The following CREB5 variants were observed in gnomAD, a reference collection of about 807,000 sequenced individuals.
CREB5 encodes cAMP responsive element binding protein 5, also known as cyclic AMP-responsive element-binding protein 5.
In CREB5, 19 loss-of-function variants were observed where a neutral mutation model predicts 57.1. The ratio of observed to expected loss-of-function variants is 0.33; its 90% CI spans 0.23 to 0.49. The LOEUF (loss-of-function observed/expected upper bound fraction) is 0.49, where lower values mean the gene tolerates loss of function less well. Among genes scored for constraint, CREB5 ranks in the 20% least tolerant of loss-of-function variants. CREB5 has a pLI of 0.99. For missense variants in CREB5, 579 were observed against 671.6 expected, an observed-to-expected ratio of 0.86 and a Z score of 1.52; for synonymous variants, 238 against 238.3, an observed-to-expected ratio of 1.00 and a Z score of 0.01.
intron 5 of CREB5, among the ~76,000 whole-genome samples, chr7:28,617,910 G>T (rs1241901185): frequency 6.6e-6 from 1 of 152,176 alleles, no homozygotes; most frequent in Non-Finnish European, 1.5e-5. Flanking sequence ...TGTCATATTG[G>T]CACAGAGATG....
chr7:28,489,296 C>CTTTTTT lies in CREB5; in HGVS notation c.75+1066_75+1071dup, dbSNP rs70977046. 9.5e-3 allele frequency among the ~76,000 whole-genome samples: 912 copies of CTTTTTT among 96,470 alleles called. 25 individuals carry two copies. The highest frequency in any genetic ancestry group is 0.015 in the African/African-American group (353 of 22,864). The allele number at this position is 96,470 out of a possible 152,430, so 63.3% of individuals were successfully genotyped here. A position where few individuals can be genotyped will look rare whatever the true frequency, so the allele number is the denominator to read the frequency against. On this transcript the variant is annotated intron_variant, in intron 2 of 10. Coordinates refer to ENST00000357727, the MANE Select transcript of CREB5 (RefSeq NM_182898.4). The stretch of plus-strand genomic sequence containing the variant: ...TAAGAAGGATTCATTGAGGACCCTT[C>CTTTTTT]TTTTTTTTTTTTTTTTTTTTTGAGA...
At chr7:28,478,402 G>GA (rs1200077169) in intron 1 of CREB5, among the ~76,000 whole-genome samples, 1 of 151,280 alleles carries the variant, frequency 6.6e-6, no homozygotes, top group Non-Finnish European at 1.5e-5. Context: ...CAGGCCAAAA[G>GA]AAAAAAATAT....
intron 5 of CREB5, among the ~76,000 whole-genome samples, chr7:28,692,294 T>C (rs1005265159): frequency 1.3e-5 from 2 of 152,012 alleles, no homozygotes; most frequent in African/African-American, 4.8e-5. Flanking sequence ...TCCTTTTACA[T>C]TGGATTGCAG....
chr7:28,589,639 T>C (rs1796426393), intron 5 of CREB5, among the ~76,000 whole-genome samples: 1 of 152,224 alleles, frequency 6.6e-6, no homozygotes, highest in Admixed American at 6.5e-5. Context: ...GCGAAATGCA[T>C]AAATCTTGAG....
intron 1 of CREB5, among the ~76,000 whole-genome samples, chr7:28,404,205 ATCTT>A (rs1440334713): frequency 6.6e-6 from 1 of 152,184 alleles, no homozygotes; most frequent in Non-Finnish European, 1.5e-5. Context: ...GGGCCGCCCT[ATCTT>A]TCTCTTGCCT....
intron 4 of CREB5, among the ~76,000 whole-genome samples, chr7:28,560,859 C>CACGT (rs1795110468): frequency 3.1e-5 from 1 of 32,676 alleles, no homozygotes. Context: ...TGTGTGTGTG[C>CACGT]GTGTGCCTGC....
Position 28,747,734 on chromosome 7 carries a change from G to A in CREB5, c.702+23402G>A, listed in dbSNP as rs148676499. Among the ~76,000 whole-genome samples, 330 of 152,298 alleles carry A rather than the reference G, an allele frequency of 2.2e-3. 1 individual carries two copies. Among genetic ancestry groups the A allele is most frequent in the Non-Finnish European group, 3.4e-3 (233 of 68,030 alleles). ...GCCAGCCTGACACAGTGCCTGTCCT[G>A]TAAGTGATGGCAAAGCGTATCCTGA... is the stretch of plus-strand genomic sequence containing the variant. On this transcript the variant is annotated intron_variant, in intron 7 of 10. Coordinates refer to ENST00000357727, the MANE Select transcript of CREB5 (RefSeq NM_182898.4).
chr7:28,776,912 G>A (rs1432789312), intron 7 of CREB5, among the ~76,000 whole-genome samples: 1 of 152,172 alleles, frequency 6.6e-6, no homozygotes, highest in African/African-American at 2.4e-5. Flanking sequence ...ATTCCATTGT[G>A]TGGCTATACC....
intron 4 of CREB5, among the ~76,000 whole-genome samples, chr7:28,514,024 A>G (rs940858273): frequency 6.6e-6 from 1 of 152,218 alleles, no homozygotes; most frequent in East Asian, 1.9e-4. Flanking sequence ...GTAGATGATG[A>G]GAGCAGCTCA....
intron 5 of CREB5, among the ~76,000 whole-genome samples, chr7:28,626,150 T>C (rs160343): frequency 0.23 from 35,000 of 152,152 alleles, 4,218 homozygotes; most frequent in Admixed American, 0.26. Context: ...TTGTTTTCTG[T>C]ATCAAGTAGA....
At chr7:28,418,716 C>G (rs1441181712) in intron 1 of CREB5, among the ~76,000 whole-genome samples, 1 of 152,222 alleles carries the variant, frequency 6.6e-6, no homozygotes, top group Non-Finnish European at 1.5e-5. Flanking sequence ...ACACATATCT[C>G]TAATCCCCAT....
chr7:28,718,671 G>A, intron 5 of CREB5, 82 bp from the exon 6 acceptor site: 1 of 1,564,134 alleles, frequency 6.4e-7, no homozygotes, highest in Admixed American at 1.8e-5. Context: ...ATGTGACATT[G>A]TTGTCCCTGC....
chr7:28,794,101 A>G (rs1305224272), intron 7 of CREB5, among the ~76,000 whole-genome samples: 4 of 152,170 alleles, frequency 2.6e-5, no homozygotes, highest in East Asian at 1.9e-4. Flanking sequence ...GCAAAGTTCT[A>G]TGTTTCATAT....
In CREB5 at chr7:28,555,109, T is replaced by TTGTGTGTG. The variant is rs58647223; in HGVS notation, c.292-15246_292-15239dup. 7.0e-3 allele frequency among the ~76,000 whole-genome samples: 1,038 copies of TTGTGTGTG among 148,908 alleles called. 20 individuals are homozygous for TTGTGTGTG. Among genetic ancestry groups the TTGTGTGTG allele is most frequent in the African/African-American group, 0.024 (950 of 40,298 alleles). ...AGTTGTCATAGATCTATAAGCTGCA[T>TTGTGTGTG]TGTGTGTGTGTGTGTGTAAATAAAA... is the stretch of plus-strand genomic sequence containing the variant. On this transcript the variant is annotated intron_variant, in intron 4 of 10. Coordinates refer to ENST00000357727, the MANE Select transcript of CREB5 (RefSeq NM_182898.4).
intron 3 of CREB5, among the ~76,000 whole-genome samples, chr7:28,503,192 A>G (rs1411027672): frequency 6.6e-6 from 1 of 152,218 alleles, no homozygotes; most frequent in Non-Finnish European, 1.5e-5. Context: ...GGATCGATCC[A>G]CAAGTAGTCT....
chr7:28,595,267 GT>G (rs1796656018), intron 5 of CREB5, among the ~76,000 whole-genome samples: 1 of 152,024 alleles, frequency 6.6e-6, no homozygotes, highest in East Asian at 1.9e-4. Flanking sequence ...GTGGGTTGTG[GT>G]TTTATAAGTA....
intron 1 of CREB5, among the ~76,000 whole-genome samples, chr7:28,430,472 G>A (rs67047072): frequency 6.6e-6 from 1 of 152,148 alleles, no homozygotes; most frequent in African/African-American, 2.4e-5. Context: ...AGGAGTCGAT[G>A]GCCATGAATG....
intron 5 of CREB5, among the ~76,000 whole-genome samples, chr7:28,633,697 G>A (rs577420950): frequency 2.3e-4 from 35 of 152,240 alleles, no homozygotes; most frequent in African/African-American, 7.5e-4. Context: ...TGACAGTAGT[G>A]GGGGTGGGGT....
At chr7:28,318,633 G>A (rs1785426928) in intron 1 of CREB5, among the ~76,000 whole-genome samples, 4 of 152,146 alleles carry the variant, frequency 2.6e-5, no homozygotes, top group Non-Finnish European at 5.9e-5. Context: ...CACATGGCTT[G>A]ACCCAGGAGG....
Sources: gnomAD v4.1 joint callset for allele counts (sites outside exome capture counted in the v4.1 genomes callset) on GRCh38, gnomAD v4.1.1 for gene constraint, MANE v1.5 for transcripts, NCBI Gene and HGNC (gene_info 2026-07-23, HGNC 2026-07-21) for gene names.